Variants in USP32 observed in about 807,000 individuals in gnomAD.
USP32 encodes the protein ubiquitin carboxyl-terminal hydrolase 32.
USP32 carries 59 observed loss-of-function variants against 204.8 expected under a neutral mutation model. That is an observed-to-expected ratio of 0.29 (90% CI 0.23 to 0.36). The LOEUF (loss-of-function observed/expected upper bound fraction) is 0.36, where lower values mean the gene tolerates loss of function less well. USP32 is among the 10% of genes least tolerant of loss of function. USP32 has a pLI of 1.00. For synonymous variants in USP32, 517 were observed against 678.4 expected (o/e 0.76, Z 3.70); for missense variants, 1,160 against 1,946.4 (o/e 0.60, Z 7.60).
At chr17:60,288,039 G>T (rs999638075) in intron 5 of USP32, among the ~76,000 whole-genome samples, 1 of 142,872 alleles carries the variant, frequency 7.0e-6, no homozygotes, top group Non-Finnish European at 1.5e-5. Flanking sequence ...GCGTGAACCC[G>T]GGAGGTGGAG....
intron 1 of USP32, among the ~76,000 whole-genome samples, chr17:60,414,612 A>G (rs2090046104): frequency 6.6e-6 from 1 of 151,202 alleles, no homozygotes; most frequent in African/African-American, 2.4e-5. Flanking sequence ...TATTTTTAGT[A>G]GAGACGGGGT....
At position 60,198,454 on chromosome 17, in the gene USP32, C is replaced by A; in HGVS notation, c.3250-10G>T. The A allele has an allele frequency of 6.2e-7, 1 of 1,613,242 alleles. No individual in the cohort carries two copies. Among genetic ancestry groups the A allele is most frequent in the African/African-American group, 1.3e-5 (1 of 75,012 alleles). On this transcript the variant is annotated splice_polypyrimidine_tract_variant and intron_variant, in intron 26 of 33. Coordinates refer to ENST00000300896, the MANE Select transcript of USP32 (RefSeq NM_032582.4). ...ACAGTTCTGTCCTCATCTGTATGTA[C>A]AAACAAGAGAATAGAGAGTTCAGAA...
intron 5 of USP32, among the ~76,000 whole-genome samples, chr17:60,274,058 A>G (rs868660093): frequency 7.0e-4 from 106 of 152,164 alleles, no homozygotes; most frequent in African/African-American, 2.5e-3. Flanking sequence ...TGTCTATTGT[A>G]AGTATCTCAG....
At chr17:60,288,956 G>C (rs1027939169) in intron 4 of USP32, among the ~76,000 whole-genome samples, 3 of 152,194 alleles carry the variant, frequency 2.0e-5, no homozygotes, top group African/African-American at 7.2e-5. Flanking sequence ...CAATAAGCCA[G>C]ATTTTGTTTG....
chr17:60,269,904 G>C (rs1423536118), intron 6 of USP32, among the ~76,000 whole-genome samples: 1 of 151,760 alleles, frequency 6.6e-6, no homozygotes, highest in African/African-American at 2.4e-5. Context: ...TCCTTACTTA[G>C]AAAGACTAAG....
intron 2 of USP32, among the ~76,000 whole-genome samples, chr17:60,312,607 A>AT (rs779576195): frequency 6.6e-6 from 1 of 151,464 alleles, no homozygotes; most frequent in Non-Finnish European, 1.5e-5. Context: ...CACCTTGCTA[A>AT]TTTTTTCATT....
chr17:60,281,434 A>G (rs986129469), intron 5 of USP32, among the ~76,000 whole-genome samples: 4 of 151,860 alleles, frequency 2.6e-5, no homozygotes. Context: ...GCTACTCGGG[A>G]GGCTGAGGCA....
At chr17:60,327,526 C>G (rs1326668132) in intron 2 of USP32, among the ~76,000 whole-genome samples, 2 of 136,106 alleles carry the variant, frequency 1.5e-5, no homozygotes, top group African/African-American at 2.7e-5. Context: ...CCAGGCTGAG[C>G]CCGCCCGCCA....
At chr17:60,237,106 A>AATCCT (rs2085745925) in intron 11 of USP32, among the ~76,000 whole-genome samples, 1 of 143,502 alleles carries the variant, frequency 7.0e-6, no homozygotes, top group East Asian at 2.0e-4. Flanking sequence ...TAAAAAAAAA[A>AATCCT]ATCTACTCTA....
At chr17:60,396,296 C>T (rs1440735234), upstream of USP32, among the ~76,000 whole-genome samples, 2 of 151,914 alleles carry the variant, frequency 1.3e-5, no homozygotes, top group Admixed American at 6.6e-5. Flanking sequence ...AGGCTGGTCT[C>T]GAATTCCTGG....
chr17:60,187,874 T>A (rs2084289384), intron 29 of USP32, among the ~76,000 whole-genome samples: 1 of 152,208 alleles, frequency 6.6e-6, no homozygotes, highest in South Asian at 2.1e-4. Flanking sequence ...ACTTTAAAGC[T>A]CATCTTTAAC....
At chr17:60,257,026 C>A in intron 9 of USP32, 1 of 243,462 alleles carries the variant, frequency 4.1e-6, no homozygotes. Flanking sequence ...AGAAAACCGG[C>A]AGCTGTGACA....
chr17:60,197,326 C>T lies in USP32; in HGVS notation c.3434+934G>A, dbSNP rs137916838. On this transcript the variant is annotated intron_variant, in intron 27 of 33. Transcript: ENST00000300896. Reference sequence around the variant, plus strand: ...GATGGCAAGAAAATGATCTACAGGCCGGGTGTGGTGGCTCACGCCTGTAAT... The same window carrying T: ...GATGGCAAGAAAATGATCTACAGGCTGGGTGTGGTGGCTCACGCCTGTAAT... Among the ~76,000 whole-genome samples the T allele has an allele frequency of 6.7e-3, 1,020 of 152,224 alleles. 13 individuals carry two copies. Among genetic ancestry groups the T allele is most frequent in the African/African-American group, 0.023 (959 of 41,534 alleles).
At chr17:60,383,877 A>G (rs2089686502) in intron 1 of USP32, among the ~76,000 whole-genome samples, 1 of 152,244 alleles carries the variant, frequency 6.6e-6, no homozygotes, top group South Asian at 2.1e-4. Context: ...TTAAAAATTA[A>G]TTATAGACTT....
At position 60,183,146 on chromosome 17, in the gene USP32, T is replaced by G. The variant is rs1416216028; in HGVS notation, c.4123+19A>C. 6.3e-7 allele frequency: 1 copy of G among 1,579,932 alleles called. No homozygotes were observed. The highest frequency in any genetic ancestry group is 2.2e-5 in the East Asian group (1 of 44,616). On this transcript the variant is annotated intron_variant, in intron 31 of 33. Transcript: ENST00000300896. ...CAGGAGTCCCAAGAAAGCACCTGCATAAGGCCCCCAGGCCTCACCTTTCGG... is the reference window on the plus strand; with the variant it reads ...CAGGAGTCCCAAGAAAGCACCTGCAGAAGGCCCCCAGGCCTCACCTTTCGG...
At chr17:60,265,754 T>C (rs2086575364) in intron 8 of USP32, among the ~76,000 whole-genome samples, 1 of 152,236 alleles carries the variant, frequency 6.6e-6, no homozygotes, top group African/African-American at 2.4e-5. Context: ...AAAATTAAGA[T>C]AACTTTCCTA....
At chr17:60,235,462 T>G (rs540954283) in intron 12 of USP32, among the ~76,000 whole-genome samples, 107 of 152,314 alleles carry the variant, frequency 7.0e-4, no homozygotes, top group Non-Finnish European at 1.3e-3. Flanking sequence ...AGATAGATAA[T>G]GTAAAAAGTA....
At chr17:60,188,041 C>T (rs140333093) in intron 29 of USP32, among the ~76,000 whole-genome samples, 123 of 152,070 alleles carry the variant, frequency 8.1e-4, no homozygotes, top group African/African-American at 2.7e-3. Flanking sequence ...AGTGCACTGG[C>T]GAGATCACAG....
intron 6 of USP32, among the ~76,000 whole-genome samples, chr17:60,270,597 G>A (rs1429405882): frequency 1.3e-5 from 2 of 152,124 alleles, no homozygotes; most frequent in Non-Finnish European, 2.9e-5. Flanking sequence ...GCTGAGGTGG[G>A]CAGATCACCT....
Sources: allele counts gnomAD v4.1 joint callset (sites outside exome capture counted in the v4.1 genomes callset), GRCh38; gene constraint gnomAD v4.1.1; transcripts MANE v1.5; gene names NCBI Gene and HGNC (gene_info 2026-07-23, HGNC 2026-07-21).